The following ACSL4 variants were observed in gnomAD, a reference collection of about 807,000 sequenced individuals.
ACSL4 encodes long-chain-fatty-acid--CoA ligase 4.
ACSL4 carries 9 observed loss-of-function variants against 49.1 expected under a neutral mutation model. The observed-to-expected ratio is 0.18, with a 90% confidence interval of 0.11 to 0.32. The LOEUF is 0.32. Among genes scored for constraint, ACSL4 ranks in the 10% least tolerant of loss-of-function variants. The pLI, the probability that ACSL4 is intolerant of heterozygous loss-of-function variation, is 1.00. For missense variants in ACSL4, 333 were observed against 493.7 expected (o/e 0.67, Z 3.08); for synonymous variants, 191 against 170.3 (o/e 1.12, Z -0.95).
At chrX:109,719,467 AATC>A (rs1374948823) in intron 1 of ACSL4, among the ~76,000 whole-genome samples, 4 of 112,143 alleles carry the variant, frequency 3.6e-5, no homozygotes, top group African/African-American at 1.3e-4. Flanking sequence ...TCGCGCTGAA[AATC>A]ATCAATCATT....
At chrX:109,717,795 A>G (rs1396630313) in intron 1 of ACSL4, among the ~76,000 whole-genome samples, 1 of 112,239 alleles carries the variant, frequency 8.9e-6, no homozygotes, top group African/African-American at 3.2e-5. Flanking sequence ...TTTGAATGCG[A>G]GGACATTTTT....
chrX:109,689,862 T>C (rs997862137), intron 2 of ACSL4, among the ~76,000 whole-genome samples: 2 of 112,216 alleles, frequency 1.8e-5, no homozygotes, highest in African/African-American at 6.5e-5. Flanking sequence ...TTTGTCTCAT[T>C]TGCTGCTGAA....
chrX:109,683,496 G>T (rs200730733), intron 2 of ACSL4, 121 bp from the exon 3 acceptor site: 21 of 1,178,372 alleles, frequency 1.8e-5, no homozygotes, highest in Middle Eastern at 2.4e-4. Flanking sequence ...TAGTGGAAAG[G>T]CTTCTAAAAT....
At chrX:109,680,931 T>C in intron 6 of ACSL4, 67 bp downstream of exon 6, 1 of 1,119,385 alleles carries the variant, frequency 8.9e-7, no homozygotes, top group Non-Finnish European at 1.2e-6. Context: ...TGTCATTTGT[T>C]TCCCTAACCT....
At chrX:109,656,527 T>C (rs1025215662) in intron 15 of ACSL4, among the ~76,000 whole-genome samples, 1 of 110,509 alleles carries the variant, frequency 9.0e-6, no homozygotes, top group African/African-American at 3.3e-5. Flanking sequence ...TAAAAGTCCA[T>C]AACATCGCAA....
At chrX:109,653,825 G>A (rs1321573306) in intron 15 of ACSL4, among the ~76,000 whole-genome samples, 1 of 108,967 alleles carries the variant, frequency 9.2e-6, no homozygotes, top group Admixed American at 9.8e-5. Flanking sequence ...GGAAGGGGGA[G>A]GGATAGCATT....
chrX:109,673,471 T>C, intron 9 of ACSL4, among the ~76,000 whole-genome samples: 1 of 112,601 alleles, frequency 8.9e-6, no homozygotes, highest in Non-Finnish European at 1.9e-5. Flanking sequence ...AACTTTTTTA[T>C]GGTTTTAGTC....
intron 12 of ACSL4, 36 bp from the exon 13 acceptor site, chrX:109,663,438 C>T (rs1300541394): frequency 8.9e-7 from 1 of 1,118,715 alleles, no homozygotes; most frequent in East Asian, 3.0e-5. Flanking sequence ...TATTGTTCTA[C>T]AACAAATTTC....
At chrX:109,726,051 A>G (rs780645272) in intron 1 of ACSL4, among the ~76,000 whole-genome samples, 110 of 111,999 alleles carry the variant, frequency 9.8e-4, no homozygotes, top group African/African-American at 3.3e-3. Flanking sequence ...GTAAATTTTC[A>G]GTAAAAAGAA....
intron 1 of ACSL4, among the ~76,000 whole-genome samples, chrX:109,706,515 A>T (rs1054500292): frequency 2.7e-5 from 3 of 112,312 alleles, no homozygotes; most frequent in Non-Finnish European, 5.6e-5. Context: ...TTGCATTTAA[A>T]TTAGAATTTT....
At chrX:109,667,926 AG>A (rs1015937837) in intron 11 of ACSL4, among the ~76,000 whole-genome samples, 174 bp downstream of exon 11, 2 of 111,751 alleles carry the variant, frequency 1.8e-5, no homozygotes, top group Non-Finnish European at 3.8e-5. Context: ...TTAAAATGAA[AG>A]GGTCCACATG....
rs370723547 is a variant in ACSL4 at position 109,681,380 on chromosome X, A to G, written c.407-5T>C. ...GTGTGGCATATAAAGTCACAACTAC[A>G]TAATAAAAATAAACACAAATATTAA... On this transcript the variant is annotated splice_polypyrimidine_tract_variant and splice_region_variant and intron_variant, in intron 4 of 15. Coordinates refer to ENST00000672401, the MANE Select transcript of ACSL4 (RefSeq NM_001318510.2). 3.5e-6 allele frequency: 4 copies of G among 1,129,508 alleles called. No homozygotes were observed. The highest frequency in any genetic ancestry group is 3.0e-5 in the East Asian group (1 of 33,555). The allele number at this position is 1,129,508 out of a possible 1,213,427, so 93.1% of individuals were successfully genotyped here. A position where few individuals can be genotyped will look rare whatever the true frequency, so the allele number is the denominator to read the frequency against.
In ACSL4 at chrX:109,668,425, A is replaced by G. The variant is rs1303961766; in HGVS notation, c.1143-152T>C. 104 of 424,630 alleles carry G rather than the reference A, an allele frequency of 2.4e-4. 1 individual carries two copies. Among genetic ancestry groups the G allele is most frequent in the Non-Finnish European group, 3.8e-6 (1 of 263,704 alleles). The allele number at this position is 424,630 out of a possible 1,213,427, so 35.0% of individuals were successfully genotyped here. ...ATGAGAGGTTAACAAGGCAACAACT[A>G]GTAACGCCTTGTAAAAATGCCAGAA... is the stretch of plus-strand genomic sequence containing the variant. On this transcript the variant is annotated intron_variant, in intron 10 of 15. Transcript: ENST00000672401.
rs1207267133 is a variant in ACSL4 at position 109,661,665 on chromosome X, G to A, written c.1583-20C>T. 12 of 1,065,612 alleles carry A rather than the reference G, an allele frequency of 1.1e-5. No individual in the cohort carries two copies. Among genetic ancestry groups the A allele is most frequent in the Non-Finnish European group, 1.6e-5 (12 of 764,571 alleles). The allele number at this position is 1,065,612 out of a possible 1,213,427, so 87.8% of individuals were successfully genotyped here. ...TACGATCTGTTAAGTCATAAAGAAT[G>A]TTAAGTCTGTTTAACTAAGGTATAT... On this transcript the variant is annotated intron_variant, in intron 13 of 15. Coordinates refer to ENST00000672401, the MANE Select transcript of ACSL4 (RefSeq NM_001318510.2).
chrX:109,681,358 T>C lies in ACSL4; in HGVS notation c.424A>G (p.Thr142Ala). The change falls in exon 5 of 16, where the codon ACA (threonine) becomes GCA (alanine). Residue 142 changes from threonine (T) to alanine (A), a missense_variant. This residue lies in a region of ACSL4 where 157 missense variants were observed against 201.1 expected (regional missense o/e 0.78). Transcript: ENST00000672401. ...YNFPLVTLYA[T>A]LGKEAVVHGL... ...TGAACTACTGCTTCTTTGCCAAGTG[T>C]GGCATATAAAGTCACAACTACATAA... 1 of 1,203,672 alleles carries C rather than the reference T, an allele frequency of 8.3e-7. No homozygotes were observed. The highest frequency in any genetic ancestry group is 1.1e-6 in the Non-Finnish European group (1 of 888,937).
In ACSL4 at chrX:109,690,261, A is replaced by G. The variant is rs146110097; in HGVS notation, c.-13+5883T>C. On this transcript the variant is annotated intron_variant, in intron 2 of 15. Transcript: ENST00000672401. ...TATGCTGTCCTTCCATGTATGAAGA[A>G]TGATACTGCTATCCCATCATTAGGA... 4.9e-3 allele frequency among the ~76,000 whole-genome samples: 552 copies of G among 112,478 alleles called. 5 individuals carry two copies. The highest frequency in any genetic ancestry group is 0.015 in the African/African-American group (468 of 31,001).
chrX:109,666,004 A>G (rs993299959), intron 11 of ACSL4, among the ~76,000 whole-genome samples: 1 of 112,571 alleles, frequency 8.9e-6, no homozygotes, highest in African/African-American at 3.2e-5. Context: ...GCTGTTGTCA[A>G]ACATCATCAT....
intron 1 of ACSL4, among the ~76,000 whole-genome samples, chrX:109,729,836 G>A (rs1928290245): frequency 8.9e-6 from 1 of 112,055 alleles, no homozygotes; most frequent in African/African-American, 3.2e-5. Flanking sequence ...GAATTATGCT[G>A]AGTGAAGTAA....
intron 1 of ACSL4, among the ~76,000 whole-genome samples, chrX:109,712,083 T>C (rs143968013): frequency 0.039 from 4,376 of 111,500 alleles, 76 homozygotes; most frequent in South Asian, 0.12. Flanking sequence ...ATTAGGAGTC[T>C]CATCATTGAA....
Sources: allele counts gnomAD v4.1 joint callset (sites outside exome capture counted in the v4.1 genomes callset), GRCh38; gene constraint gnomAD v4.1.1; regional missense constraint gnomAD v4.1.1; transcripts MANE v1.5; gene names NCBI Gene and HGNC (gene_info 2026-07-23, HGNC 2026-07-21).